The following RUNX2 variants were observed in gnomAD, a reference collection of about 807,000 sequenced individuals.
RUNX2 encodes the protein runt-related transcription factor 2.
RUNX2 carries 10 observed loss-of-function variants against 51.7 expected under a neutral mutation model. The ratio of observed to expected loss-of-function variants is 0.19; its 90% confidence interval spans 0.12 to 0.33. The LOEUF (loss-of-function observed/expected upper bound fraction) is 0.33. Among genes scored for constraint, RUNX2 ranks in the 10% least tolerant of loss-of-function variants. The pLI, the probability that RUNX2 is intolerant of heterozygous loss-of-function variation, is 1.00. For missense variants in RUNX2, 562 were observed against 691.3 expected (o/e 0.81, Z 2.10); for synonymous variants, 276 against 273.6 (o/e 1.01, Z -0.09).
At chr6:45,542,131 ATTGAAGATCAGACATTCTGT>A (rs1802249599) in intron 7 of RUNX2, among the ~76,000 whole-genome samples, 1 of 152,152 alleles carries the variant, frequency 6.6e-6, no homozygotes, top group Middle Eastern at 3.2e-3. Context: ...GGCCCTGAAA[ATTGAAGATCAGACATTCTGT>A]TTGATTCCCT....
At chr6:45,355,426 C>T (rs1310563361) in intron 2 of RUNX2, among the ~76,000 whole-genome samples, 1 of 151,930 alleles carries the variant, frequency 6.6e-6, no homozygotes, top group Non-Finnish European at 1.5e-5. Context: ...TATAACAGTT[C>T]CCCTACCCAT....
At chr6:45,536,047 A>C (rs1328320472) in intron 7 of RUNX2, among the ~76,000 whole-genome samples, 1 of 151,988 alleles carries the variant, frequency 6.6e-6, no homozygotes, top group African/African-American at 2.4e-5. Flanking sequence ...ACAGGTAGGC[A>C]AACATGAACA....
intron 7 of RUNX2, among the ~76,000 whole-genome samples, chr6:45,543,316 G>T (rs1184927938): frequency 6.6e-6 from 1 of 152,192 alleles, no homozygotes; most frequent in Non-Finnish European, 1.5e-5. Context: ...CTTCTCCACT[G>T]TTCAGCAAAG....
chr6:45,428,485 T>C (rs1798446386), intron 3 of RUNX2, among the ~76,000 whole-genome samples: 2 of 152,168 alleles, frequency 1.3e-5, no homozygotes, highest in South Asian at 4.1e-4. Flanking sequence ...TATTTAGCCA[T>C]TAAACTAGAG....
intron 6 of RUNX2, among the ~76,000 whole-genome samples, chr6:45,498,401 GTTGGGC>G (rs1332767139): frequency 6.6e-6 from 1 of 152,158 alleles, no homozygotes; most frequent in Non-Finnish European, 1.5e-5. Context: ...ATCAAGATAG[GTTGGGC>G]TTGTTGCCAA....
intron 7 of RUNX2, among the ~76,000 whole-genome samples, chr6:45,535,767 C>T (rs2150443299): frequency 6.6e-6 from 1 of 151,922 alleles, no homozygotes; most frequent in East Asian, 1.9e-4. Context: ...TTTTAAGGAG[C>T]TGAGATAGGG....
chr6:45,349,803 CAT>C (rs1791648522), intron 2 of RUNX2, among the ~76,000 whole-genome samples: 1 of 152,210 alleles, frequency 6.6e-6, no homozygotes, highest in Non-Finnish European at 1.5e-5. Context: ...GATTGCTTAA[CAT>C]ACAATTCCAT....
intron 7 of RUNX2, among the ~76,000 whole-genome samples, chr6:45,514,630 T>G (rs1390573399): frequency 6.6e-6 from 1 of 152,164 alleles, no homozygotes; most frequent in East Asian, 1.9e-4. Context: ...CAACTAGACA[T>G]GGACTGTCAG....
rs192916937 is a variant in RUNX2, at chr6:45,500,047, T to C, written c.859+7933T>C. ...TGGACTATGGGCAAAAGGATCAGAA[T>C]AGGAGATTAATGTTGAAGGAAATAT... On this transcript the variant is annotated intron_variant, in intron 6 of 8. Coordinates refer to ENST00000647337, the MANE Select transcript of RUNX2 (RefSeq NM_001024630.4). Among the ~76,000 whole-genome samples the C allele has an allele frequency of 2.1e-4, 32 of 152,296 alleles. No homozygotes were observed. In the East Asian group the frequency reaches 3.9e-3, roughly 18 times the overall value.
chr6:45,378,453 C>T (rs529807341), intron 2 of RUNX2, among the ~76,000 whole-genome samples: 1 of 152,304 alleles, frequency 6.6e-6, no homozygotes, highest in South Asian at 2.1e-4. Context: ...CCCCGCAGGG[C>T]CGCAGTACAG....
intron 2 of RUNX2, among the ~76,000 whole-genome samples, chr6:45,346,711 C>T (rs764532545): frequency 3.9e-5 from 6 of 151,964 alleles, no homozygotes; most frequent in Non-Finnish European, 8.8e-5. Context: ...ATTACAGGTG[C>T]AGGCCACCAT....
intron 6 of RUNX2, among the ~76,000 whole-genome samples, chr6:45,498,401 G>A (rs1274431240): frequency 6.6e-6 from 1 of 152,158 alleles, no homozygotes; most frequent in African/African-American, 2.4e-5. Context: ...ATCAAGATAG[G>A]TTGGGCTTGT....
chr6:45,483,548 A>G (rs1800175787), intron 5 of RUNX2, among the ~76,000 whole-genome samples: 1 of 152,182 alleles, frequency 6.6e-6, no homozygotes, highest in Admixed American at 6.5e-5. Flanking sequence ...AATCTAAAAT[A>G]TTAGGGTTTG....
At chr6:45,397,437 C>T (rs536205221) in intron 2 of RUNX2, among the ~76,000 whole-genome samples, 1 of 152,218 alleles carries the variant, frequency 6.6e-6, no homozygotes, top group South Asian at 2.1e-4. Context: ...AAAGATCCAA[C>T]TGTTTTCCAA....
chr6:45,545,123 C>T (rs1802357686), intron 7 of RUNX2, 94 bp from the exon 8 acceptor site: 3 of 1,042,898 alleles, frequency 2.9e-6, no homozygotes, highest in African/African-American at 3.1e-5. Flanking sequence ...TACCCCTCCC[C>T]TAAGGCTGTT....
Position 45,462,371 on chromosome 6 carries a change from G to C in RUNX2, c.685+24320G>C, listed in dbSNP as rs138097262. ...TCTGCTATTGCTTCTCATTGACATCGATAGTCTTATAGGTCTTATGTGTAT... is the reference window on the plus strand; with the variant it reads ...TCTGCTATTGCTTCTCATTGACATCCATAGTCTTATAGGTCTTATGTGTAT... On this transcript the variant is annotated intron_variant, in intron 5 of 8. Transcript: ENST00000647337. Among the ~76,000 whole-genome samples, 351 of 152,276 alleles carry C rather than the reference G, an allele frequency of 2.3e-3. 4 individuals are homozygous for C. Among genetic ancestry groups the C allele is most frequent in the Middle Eastern group, 0.02 (6 of 294 alleles).
chr6:45,416,751 A>G (rs1219090224), intron 2 of RUNX2, among the ~76,000 whole-genome samples: 1 of 152,184 alleles, frequency 6.6e-6, no homozygotes, highest in Non-Finnish European at 1.5e-5. Flanking sequence ...TTGGTATTTT[A>G]GTCAAACAAA....
intron 2 of RUNX2, among the ~76,000 whole-genome samples, chr6:45,372,256 T>A (rs1796170361): frequency 6.6e-6 from 1 of 152,210 alleles, no homozygotes. Flanking sequence ...AAATTACTTC[T>A]CTTATAGGTT....
intron 2 of RUNX2, among the ~76,000 whole-genome samples, chr6:45,386,606 T>C (rs568156742): frequency 8.1e-4 from 123 of 152,340 alleles, no homozygotes; most frequent in African/African-American, 2.7e-3. Flanking sequence ...CAAAGTGCCT[T>C]GCACATGATA....
Sources: allele counts gnomAD v4.1 joint callset (sites outside exome capture counted in the v4.1 genomes callset), GRCh38; gene constraint gnomAD v4.1.1; transcripts MANE v1.5; gene names NCBI Gene and HGNC (gene_info 2026-07-23, HGNC 2026-07-21).